The following XKR9 variants were observed in gnomAD, a reference collection of about 807,000 sequenced individuals.
The protein encoded by XKR9 is XK-related protein 9.
A neutral mutation model predicts 32.0 loss-of-function variants in XKR9; 32 were observed. The observed-to-expected ratio is 1.00, with a 90% confidence interval of 0.76 to 1.34. XKR9 has a LOEUF of 1.34. XKR9 is among the 40% of genes most tolerant of loss of function. The pLI is 0.00. For synonymous variants in XKR9, 168 were observed against 143.4 expected (o/e 1.17, Z -1.22); for missense variants, 546 against 429.7 (o/e 1.27, Z -2.39).
At chr8:70,965,955 A>G in the XKR9 span, among the ~76,000 whole-genome samples, 1 of 151,734 alleles carries the variant, frequency 6.6e-6, no homozygotes, top group East Asian at 1.9e-4. Context: ...TGTTTTTGCT[A>G]GCTTTGGGGT....
the XKR9 span, among the ~76,000 whole-genome samples, chr8:70,985,705 C>A: frequency 1.3e-5 from 2 of 151,822 alleles, no homozygotes; most frequent in Admixed American, 1.3e-4. Context: ...TTTTTTCTTT[C>A]TAAATAGCTT....
the XKR9 span, among the ~76,000 whole-genome samples, chr8:70,815,042 G>T: frequency 2.0e-5 from 3 of 152,156 alleles, no homozygotes; most frequent in Admixed American, 6.5e-5. Flanking sequence ...GTAGATAAAA[G>T]ATCTCTATAA....
Position 70,734,523 on chromosome 8 carries a change from T to C in XKR9, c.*99T>C. The C allele has an allele frequency of 1.5e-6, 2 of 1,366,612 alleles. No individual in the cohort carries two copies. The highest frequency in any genetic ancestry group is 1.9e-6 in the Non-Finnish European group (2 of 1,064,804). 84.7% of individuals were successfully genotyped at this position (1,366,612 alleles called of 1,614,324 possible). On this transcript the variant is annotated 3_prime_UTR_variant, in exon 5 of 5. Transcript: ENST00000408926. ...TGTGTTGTCTCTTATTTTTGCCACC[T>C]TTAATTTGAAATTAGTTCAGTGAAA...
At chr8:70,976,789 A>G in the XKR9 span, among the ~76,000 whole-genome samples, 1 of 152,174 alleles carries the variant, frequency 6.6e-6, no homozygotes, top group Non-Finnish European at 1.5e-5. Context: ...TTTCAGAAGG[A>G]ATGGGACCAG....
At chr8:70,988,581 A>G in the XKR9 span, among the ~76,000 whole-genome samples, 1 of 151,948 alleles carries the variant, frequency 6.6e-6, no homozygotes, top group Non-Finnish European at 1.5e-5. Flanking sequence ...CTTGTTTCCT[A>G]TTATTTATTT....
chr8:70,932,303 G>C, the XKR9 span, among the ~76,000 whole-genome samples: 2 of 152,060 alleles, frequency 1.3e-5, no homozygotes, highest in Non-Finnish European at 2.9e-5. Context: ...TGTGAGATAG[G>C]ATATGGAGTA....
chr8:70,755,570 T>C (rs1233787125), intron 2 of XKR9, among the ~76,000 whole-genome samples: 1 of 152,114 alleles, frequency 6.6e-6, no homozygotes, highest in Non-Finnish European at 1.5e-5. Flanking sequence ...CATGGAATAC[T>C]ATGCAGCCAT....
the XKR9 span, among the ~76,000 whole-genome samples, chr8:70,960,850 G>A: frequency 6.6e-6 from 1 of 151,020 alleles, no homozygotes; most frequent in Non-Finnish European, 1.5e-5. Flanking sequence ...TCAGCCTAGG[G>A]GACAAAGTGA....
At chr8:70,746,588 T>C (rs763811394) in intron 2 of XKR9, among the ~76,000 whole-genome samples, 1 of 151,736 alleles carries the variant, frequency 6.6e-6, no homozygotes, top group Non-Finnish European at 1.5e-5. Context: ...AATGAAAAGA[T>C]GTAGTTTGCA....
intron 2 of XKR9, among the ~76,000 whole-genome samples, chr8:70,762,895 A>T (rs1296215094): frequency 6.6e-6 from 1 of 152,198 alleles, no homozygotes; most frequent in East Asian, 1.9e-4. Flanking sequence ...AAGCAGAAAT[A>T]GGTTTTTCAT....
chr8:71,004,615 T>G, the XKR9 span, among the ~76,000 whole-genome samples: 1 of 152,206 alleles, frequency 6.6e-6, no homozygotes, highest in African/African-American at 2.4e-5. Context: ...CTTTCTTTAC[T>G]AGGAAGTAGG....
At chr8:71,003,794 G>T in the XKR9 span, among the ~76,000 whole-genome samples, 210 of 152,320 alleles carry the variant, frequency 1.4e-3, no homozygotes, top group African/African-American at 4.8e-3. Context: ...TCACAGCCTT[G>T]CTGTGATTGA....
the XKR9 span, among the ~76,000 whole-genome samples, chr8:71,035,232 T>C: frequency 6.6e-6 from 1 of 152,204 alleles, no homozygotes; most frequent in Non-Finnish European, 1.5e-5. Flanking sequence ...AACTAATGTA[T>C]GCTAATTAAA....
chr8:70,920,229 A>T, the XKR9 span, among the ~76,000 whole-genome samples: 1 of 152,204 alleles, frequency 6.6e-6, no homozygotes, highest in Admixed American at 6.5e-5. Flanking sequence ...CATGTTTTTA[A>T]ATCAATGAAA....
chr8:70,886,181 G>A, the XKR9 span, among the ~76,000 whole-genome samples: 2 of 152,102 alleles, frequency 1.3e-5, no homozygotes, highest in South Asian at 2.1e-4. Flanking sequence ...GAGAATGATC[G>A]TTTCCAGCTT....
downstream of XKR9, among the ~76,000 whole-genome samples, chr8:70,795,273 C>T (rs557962212): frequency 1.3e-5 from 2 of 152,172 alleles, no homozygotes; most frequent in South Asian, 4.1e-4. Context: ...GAATAATGGC[C>T]TTCAGCTTCT....
the XKR9 span, among the ~76,000 whole-genome samples, chr8:70,809,790 T>A: frequency 2.0e-5 from 3 of 152,078 alleles, no homozygotes; most frequent in African/African-American, 7.2e-5. Context: ...TGGGACTATG[T>A]GAAAAGATGA....
At chr8:70,724,583 T>G (rs1395294642) in intron 4 of XKR9, among the ~76,000 whole-genome samples, 1 of 152,180 alleles carries the variant, frequency 6.6e-6, no homozygotes, top group Non-Finnish European at 1.5e-5. Flanking sequence ...GCATAGTATC[T>G]GGGCCTGATA....
the XKR9 span, among the ~76,000 whole-genome samples, chr8:70,854,559 G>T: frequency 2.6e-5 from 4 of 152,084 alleles, no homozygotes; most frequent in Non-Finnish European, 4.4e-5. Context: ...GTCTTTTGTT[G>T]CAATTGCTTT....
Sources: allele counts gnomAD v4.1 joint callset (sites outside exome capture counted in the v4.1 genomes callset), GRCh38; gene constraint gnomAD v4.1.1; transcripts MANE v1.5; gene names NCBI Gene and HGNC (gene_info 2026-07-23, HGNC 2026-07-21).